FAM120A: variants seen among roughly 807,000 people sequenced by gnomAD.
FAM120A encodes the protein family with sequence similarity 120 member A, also known as constitutive coactivator of PPAR-gamma-like protein 1.
Under a neutral mutation model 109.7 loss-of-function variants are expected in FAM120A, and 15 were observed. The observed-to-expected ratio is 0.14, with a 90% CI of 0.09 to 0.21. The LOEUF (loss-of-function observed/expected upper bound fraction) is 0.21. FAM120A is among the 10% of genes least tolerant of loss of function. The pLI is 1.00. For synonymous variants in FAM120A, 493 were observed against 572.8 expected (o/e 0.86, Z 1.99); for missense variants, 899 against 1,439.3 (o/e 0.62, Z 6.07).
chr9:93,544,758 T>TGTTCCA (rs1325124042), intron 11 of FAM120A, among the ~76,000 whole-genome samples: 9 of 152,224 alleles, frequency 5.9e-5, no homozygotes, highest in African/African-American at 2.2e-4. Flanking sequence ...AACCTGTTCC[T>TGTTCCA]GTTCCAGGTC....
At chr9:93,535,125 T>C (rs1166485043) in intron 10 of FAM120A, among the ~76,000 whole-genome samples, 1 of 152,198 alleles carries the variant, frequency 6.6e-6, no homozygotes, top group African/African-American at 2.4e-5. Flanking sequence ...GAATGAATAA[T>C]TGGTTTAGGT....
chr9:93,557,758 A>G, intron 13 of FAM120A, 69 bp from the exon 14 acceptor site: 1 of 1,430,788 alleles, frequency 7.0e-7, no homozygotes, highest in Non-Finnish European at 9.5e-7. Context: ...TTATTTCTTT[A>G]GTGCTCATTT....
chr9:93,503,638 C>T (rs1859900251), intron 5 of FAM120A, among the ~76,000 whole-genome samples: 3 of 151,990 alleles, frequency 2.0e-5, no homozygotes, highest in Admixed American at 6.6e-5. Context: ...GATACTGTAA[C>T]GGTGGATACA....
chr9:93,520,557 G>C (rs902726436), intron 7 of FAM120A, among the ~76,000 whole-genome samples: 8 of 152,204 alleles, frequency 5.3e-5, no homozygotes, highest in Admixed American at 2.6e-4. Flanking sequence ...GGAGTTATTG[G>C]GTCCTGGCTG....
intron 12 of FAM120A, 131 bp downstream of exon 12, chr9:93,550,822 C>G (rs911613051): frequency 1.6e-6 from 1 of 626,642 alleles, no homozygotes; most frequent in African/African-American, 1.8e-5. Flanking sequence ...ACTAATAATA[C>G]TAATATGATA....
In FAM120A at chr9:93,500,006, G is replaced by C. The variant is rs984155048; in HGVS notation, c.1030+1120G>C. 6.6e-6 allele frequency among the ~76,000 whole-genome samples: 1 copy of C among 152,166 alleles called. No homozygotes were observed. Among genetic ancestry groups the C allele is most frequent in the Admixed American group, 6.6e-5 (1 of 15,242 alleles). On this transcript the variant is annotated intron_variant, in intron 5 of 17. Coordinates refer to ENST00000277165, the MANE Select transcript of FAM120A (RefSeq NM_014612.5). The surrounding 1 kb of genome is among the most constrained non-coding windows in gnomAD (Gnocchi z 4.6). Reference sequence around the variant, plus strand: ...TGGACAGGGAAACATGGCCTGTGCCGATGCCCTGTAATAAAGGAGGTAGGG... The same window carrying C: ...TGGACAGGGAAACATGGCCTGTGCCCATGCCCTGTAATAAAGGAGGTAGGG...
At chr9:93,478,347 T>G (rs1010978637) in intron 3 of FAM120A, among the ~76,000 whole-genome samples, 2 of 152,156 alleles carry the variant, frequency 1.3e-5, no homozygotes, top group African/African-American at 4.8e-5. Context: ...TGAGTACTTT[T>G]ATGGCATATT....
Position 93,527,138 on chromosome 9 carries a change from G to A in FAM120A, c.1419-17G>A. 6.2e-7 allele frequency: 1 copy of A among 1,611,428 alleles called. No individual in the cohort carries two copies. Among genetic ancestry groups the A allele is most frequent in the Non-Finnish European group, 8.5e-7 (1 of 1,177,590 alleles). On this transcript the variant is annotated splice_polypyrimidine_tract_variant and intron_variant, in intron 7 of 17. Coordinates refer to ENST00000277165, the MANE Select transcript of FAM120A (RefSeq NM_014612.5). ...GTGAAAGTGATTGGACAGTAATCATGTTCATTTTATGTTTAGCCATATCAG... is the reference window on the plus strand; with the variant it reads ...GTGAAAGTGATTGGACAGTAATCATATTCATTTTATGTTTAGCCATATCAG...
In FAM120A at chr9:93,557,905, C is replaced by T. The variant is rs1460068693; in HGVS notation, c.2563C>T (p.Leu855Phe). ...CAGCTTCTCCAGGCAGAGCCACACG[C>T]TCCCTTTCCCGCCGCCACCTGCCCT... is the stretch of plus-strand genomic sequence containing the variant. ...GLSFSRQSHT[L>F]PFPPPPALPF... Residue 855 changes from leucine to phenylalanine, a missense_variant, in exon 14 of 18, where the codon CTC becomes TTC. Physicochemically the swap from Leu to Phe is conservative, Grantham distance 22. Coordinates refer to ENST00000277165, the MANE Select transcript of FAM120A (RefSeq NM_014612.5). 3 of 1,612,300 alleles carry T rather than the reference C, an allele frequency of 1.9e-6. No individual in the cohort carries two copies. The highest frequency in any genetic ancestry group is 3.3e-4 in the Middle Eastern group (2 of 6,062).
At chr9:93,512,237 GT>G (rs1860352735) in intron 5 of FAM120A, among the ~76,000 whole-genome samples, 1 of 152,226 alleles carries the variant, frequency 6.6e-6, no homozygotes, top group African/African-American at 2.4e-5. Flanking sequence ...AAGGCCGACT[GT>G]AGTTCTAAGA....
chr9:93,554,951 T>G lies in FAM120A; in HGVS notation c.2275-1431T>G, dbSNP rs117644758. On this transcript the variant is annotated intron_variant, in intron 12 of 17. Transcript: ENST00000277165. ...AAGGGGCCAGGAGATGGGTGTCCTA[T>G]TCATTCATGGGCCACACCTGTGCTT... Among the ~76,000 whole-genome samples, 956 of 152,286 alleles carry G rather than the reference T, an allele frequency of 6.3e-3. 9 individuals carry two copies. The highest frequency in any genetic ancestry group is 0.022 in the African/African-American group (898 of 41,558).
chr9:93,454,720 C>G (rs1327773543), intron 1 of FAM120A, among the ~76,000 whole-genome samples: 1 of 152,172 alleles, frequency 6.6e-6, no homozygotes, highest in Non-Finnish European at 1.5e-5. Flanking sequence ...AATGTTTATT[C>G]TATAAGGATG....
intron 10 of FAM120A, among the ~76,000 whole-genome samples, chr9:93,535,040 A>G (rs1031050726): frequency 6.6e-6 from 1 of 152,192 alleles, no homozygotes; most frequent in East Asian, 1.9e-4. Flanking sequence ...GAGATTTTAA[A>G]AGGATTTCAT....
intron 3 of FAM120A, among the ~76,000 whole-genome samples, chr9:93,478,839 A>G (rs1262234411): frequency 1.3e-5 from 2 of 152,152 alleles, no homozygotes; most frequent in Admixed American, 6.5e-5. Flanking sequence ...TGATTTTAAT[A>G]TACATAGGGG....
At chr9:93,455,611 A>G (rs1369765386) in intron 1 of FAM120A, among the ~76,000 whole-genome samples, 1 of 152,054 alleles carries the variant, frequency 6.6e-6, no homozygotes, top group African/African-American at 2.4e-5. Flanking sequence ...GGTGCTTTCT[A>G]GTGTTTTGTA....
intron 9 of FAM120A, chr9:93,530,310 A>G (rs1045812562): frequency 1.3e-5 from 2 of 152,366 alleles, no homozygotes; most frequent in African/African-American, 4.8e-5. Flanking sequence ...CCCACAATTT[A>G]ACAAGTTACC....
intron 10 of FAM120A, among the ~76,000 whole-genome samples, chr9:93,540,253 G>C (rs535308141): frequency 1.3e-5 from 2 of 152,262 alleles, no homozygotes; most frequent in South Asian, 4.1e-4. Flanking sequence ...TTGGCCTAAG[G>C]TTCCACCTCT....
rs555266037 is a variant in FAM120A at position 93,509,545 on chromosome 9, A to T, written c.1031-6122A>T. Among the ~76,000 whole-genome samples the T allele has an allele frequency of 9.2e-5, 14 of 152,316 alleles. No homozygotes were observed. In the South Asian group the frequency reaches 2.9e-3, roughly 32 times the overall value. Reference sequence around the variant, plus strand: ...TGCTACTATAATGATTTTTAAAAAAATTTTATTTTCATGAGGTATTCAATA... The same window carrying T: ...TGCTACTATAATGATTTTTAAAAAATTTTTATTTTCATGAGGTATTCAATA... On this transcript the variant is annotated intron_variant, in intron 5 of 17. Coordinates refer to ENST00000277165, the MANE Select transcript of FAM120A (RefSeq NM_014612.5).
rs796448041 is a variant in FAM120A at position 93,540,599 on chromosome 9, G to T, written c.1910-2623G>T. Among the ~76,000 whole-genome samples, 3 of 152,166 alleles carry T rather than the reference G, an allele frequency of 2.0e-5. No homozygotes were observed. The South Asian group carries it at 6.2e-4, about 32-fold the overall frequency. ...TCGGCTCTCAGGAGTGTGTTCACCT[G>T]TTTCTTTCTGGGCTGTGTCGAGTCT... On this transcript the variant is annotated intron_variant, in intron 10 of 17. Coordinates refer to ENST00000277165, the MANE Select transcript of FAM120A (RefSeq NM_014612.5).
Sources: gnomAD v4.1 joint callset for allele counts (sites outside exome capture counted in the v4.1 genomes callset) on GRCh38, gnomAD v4.1.1 for gene constraint, Gnocchi (gnomAD v3.1) non-coding constraint, MANE v1.5 for transcripts, NCBI Gene and HGNC (gene_info 2026-07-23, HGNC 2026-07-21) for gene names.